The following TP53BP2 variants were observed in gnomAD, a reference collection of about 807,000 sequenced individuals.
TP53BP2 encodes the protein apoptosis-stimulating of p53 protein 2.
TP53BP2 carries 62 observed loss-of-function variants against 126.2 expected under a neutral mutation model. The observed-to-expected ratio is 0.49, with a 90% CI of 0.40 to 0.61. TP53BP2 has a LOEUF of 0.61. Among genes scored for constraint, TP53BP2 ranks in the 20% least tolerant of loss-of-function variants. The probability of loss-of-function intolerance (pLI) is 0.00; values close to 1 mark genes in which losing one functional copy is unlikely to be tolerated. For synonymous variants in TP53BP2, 485 were observed against 502.9 expected, an observed-to-expected ratio of 0.96 and a Z score of 0.48; for missense variants, 1,215 against 1,402.8, an observed-to-expected ratio of 0.87 and a Z score of 2.14.
chr1:223,795,712 C>T, intron 13 of TP53BP2, 103 bp downstream of exon 13: 4 of 1,091,098 alleles, frequency 3.7e-6, no homozygotes, highest in Admixed American at 2.6e-5. Context: ...CCAAGGGAAT[C>T]GTAAAATAAA....
intron 1 of TP53BP2, among the ~76,000 whole-genome samples, chr1:223,844,884 C>T (rs988277753): frequency 2.0e-5 from 3 of 152,200 alleles, no homozygotes. Context: ...ACAACTTCCA[C>T]GAAGAAACTC....
chr1:223,815,900 C>G lies in TP53BP2; in HGVS notation c.176-1547G>C, dbSNP rs1212509312. Among the ~76,000 whole-genome samples, 3 of 152,272 alleles carry G rather than the reference C, an allele frequency of 2.0e-5. No individual in the cohort carries two copies. The East Asian group carries it at 5.8e-4, about 29-fold the overall frequency. Reference sequence around the variant, plus strand: ...AGCCTAGGAGCAAAAGGCTGTATACCATATAGCCTAGGTGTGTAGTAGGCT... The same window carrying G: ...AGCCTAGGAGCAAAAGGCTGTATACGATATAGCCTAGGTGTGTAGTAGGCT... On this transcript the variant is annotated intron_variant, in intron 2 of 17. Transcript: ENST00000343537.
At chr1:223,840,316 C>T (rs564676697) in intron 1 of TP53BP2, among the ~76,000 whole-genome samples, 1 of 152,322 alleles carries the variant, frequency 6.6e-6, no homozygotes, top group East Asian at 1.9e-4. Context: ...TACATAGTCA[C>T]ATCATCTGTG....
intron 1 of TP53BP2, among the ~76,000 whole-genome samples, chr1:223,843,475 C>A (rs949775633): frequency 2.0e-5 from 3 of 152,134 alleles, no homozygotes; most frequent in Non-Finnish European, 4.4e-5. Context: ...GGCCTATTTG[C>A]ACATTTTTAA....
At chr1:223,786,982 C>T (rs1029914916) in intron 16 of TP53BP2, among the ~76,000 whole-genome samples, 8 of 151,622 alleles carry the variant, frequency 5.3e-5, no homozygotes, top group East Asian at 3.9e-4. Context: ...CTGCAACCTC[C>T]GCCTCCGGGT....
At chr1:223,789,813 A>C (rs1662087721) in intron 15 of TP53BP2, among the ~76,000 whole-genome samples, 1 of 152,204 alleles carries the variant, frequency 6.6e-6, no homozygotes, top group Non-Finnish European at 1.5e-5. Context: ...CAGCATCTCA[A>C]ATGTTTTATA....
At chr1:223,791,225 G>A (rs929675729) in intron 15 of TP53BP2, among the ~76,000 whole-genome samples, 1 of 151,754 alleles carries the variant, frequency 6.6e-6, no homozygotes, top group Non-Finnish European at 1.5e-5. Context: ...CCAGGAGTTC[G>A]AGACCAACCT....
intron 15 of TP53BP2, among the ~76,000 whole-genome samples, chr1:223,790,193 T>G (rs1571839386): frequency 6.6e-6 from 1 of 150,622 alleles, no homozygotes; most frequent in African/African-American, 2.4e-5. Flanking sequence ...GAGGTGGAGG[T>G]TGCAGTGAGC....
chr1:223,837,155 A>AGGGGG (rs139243545), intron 1 of TP53BP2, among the ~76,000 whole-genome samples: 252 of 76,538 alleles, frequency 3.3e-3, no homozygotes, highest in Non-Finnish European at 4.2e-3. Flanking sequence ...TAAAAAAAAA[A>AGGGGG]GGGGGGGGGC....
At chr1:223,838,464 G>A (rs956961478) in intron 1 of TP53BP2, among the ~76,000 whole-genome samples, 4 of 152,208 alleles carry the variant, frequency 2.6e-5, no homozygotes, top group Non-Finnish European at 5.9e-5. Context: ...TACACGGGCA[G>A]CCCTGAAGCT....
chr1:223,840,609 G>T (rs896212684), intron 1 of TP53BP2, among the ~76,000 whole-genome samples: 1 of 152,198 alleles, frequency 6.6e-6, no homozygotes, highest in African/African-American at 2.4e-5. Context: ...ACTTTTTAAA[G>T]AGTGCCATAC....
At chr1:223,834,384 G>C (rs1057416180) in intron 1 of TP53BP2, among the ~76,000 whole-genome samples, 11 of 152,166 alleles carry the variant, frequency 7.2e-5, no homozygotes, top group African/African-American at 2.7e-4. Context: ...AGGGTTTTGA[G>C]CAGGGAAGTA....
intron 6 of TP53BP2, 24 bp from the exon 7 acceptor site, chr1:223,803,476 C>A: frequency 6.4e-7 from 1 of 1,561,262 alleles, no homozygotes; most frequent in Non-Finnish European, 8.7e-7. Flanking sequence ...AGAACAGCAA[C>A]AACAGTTGAA....
At chr1:223,826,657 G>A (rs745575484) in intron 1 of TP53BP2, among the ~76,000 whole-genome samples, 4 of 152,096 alleles carry the variant, frequency 2.6e-5, no homozygotes, top group Admixed American at 6.5e-5. Flanking sequence ...ACTGAATTAC[G>A]TATTTCAAAA....
intron 15 of TP53BP2, among the ~76,000 whole-genome samples, chr1:223,789,540 C>T (rs755927306): frequency 5.9e-5 from 9 of 152,092 alleles, no homozygotes; most frequent in Non-Finnish European, 1.3e-4. Flanking sequence ...GAGTAGAAGC[C>T]CTAACAGTCC....
chr1:223,814,182 A>G, intron 3 of TP53BP2, 58 bp downstream of exon 3: 2 of 1,287,324 alleles, frequency 1.6e-6, no homozygotes, highest in Non-Finnish European at 2.2e-6. Flanking sequence ...GCCACCTACT[A>G]CTCCCAGCAC....
At chr1:223,794,699 G>T (rs1326696251) in intron 13 of TP53BP2, among the ~76,000 whole-genome samples, 1 of 152,174 alleles carries the variant, frequency 6.6e-6, no homozygotes, top group Non-Finnish European at 1.5e-5. Flanking sequence ...CTTTTCTTAT[G>T]TTTAAAACTC....
intron 11 of TP53BP2, 83 bp from the exon 12 acceptor site, chr1:223,798,760 G>A (rs959018568): frequency 2.6e-6 from 3 of 1,157,134 alleles, no homozygotes; most frequent in Non-Finnish European, 3.7e-6. Flanking sequence ...TTTCACAAAT[G>A]TAAATATACA....
rs1312658904 is a variant in TP53BP2, at chr1:223,788,232, G to A, written c.3163+776C>T. Among the ~76,000 whole-genome samples, 4 of 152,278 alleles carry A rather than the reference G, an allele frequency of 2.6e-5. No individual in the cohort carries two copies. In the South Asian group the frequency reaches 6.2e-4, roughly 24 times the overall value. On this transcript the variant is annotated intron_variant, in intron 16 of 17. Coordinates refer to ENST00000343537, the MANE Select transcript of TP53BP2 (RefSeq NM_001031685.3). ...GGAAAAGTTCAGCAGAGAGGGCAGA[G>A]GCGTCTGTTTTACCCTTAGGGGTCT...
Sources: allele counts gnomAD v4.1 joint callset (sites outside exome capture counted in the v4.1 genomes callset), GRCh38; gene constraint gnomAD v4.1.1; transcripts MANE v1.5; gene names NCBI Gene and HGNC (gene_info 2026-07-23, HGNC 2026-07-21).